Variants in ABAT observed in about 807,000 individuals in gnomAD.
ABAT encodes the protein 4-aminobutyrate aminotransferase.
Under a neutral mutation model 64.6 loss-of-function variants are expected in ABAT, and 45 were observed. The observed-to-expected ratio is 0.70, with a 90% CI of 0.55 to 0.89. ABAT has a LOEUF of 0.89. Among genes scored for constraint, ABAT ranks in the 40% least tolerant of loss-of-function variants. ABAT has a pLI of 0.00. For missense variants in ABAT, 633 were observed against 658.4 expected (o/e 0.96, Z 0.42); for synonymous variants, 297 against 250.5 (o/e 1.19, Z -1.75).
chr16:8,737,754 C>T (rs1287603759), intron 2 of ABAT, among the ~76,000 whole-genome samples: 2 of 132,054 alleles, frequency 1.5e-5, no homozygotes, highest in Admixed American at 8.8e-5. Flanking sequence ...GAAACCTCAT[C>T]TCTACTAAAA....
Position 8,780,630 on chromosome 16 carries a change from C to T in ABAT, c.1382-679C>T, listed in dbSNP as rs181328970. 5.1e-4 allele frequency: 80 copies of T among 158,098 alleles called. 1 individual carries two copies. In the Middle Eastern group the frequency reaches 0.01, roughly 20 times the overall value. 9.8% of individuals were successfully genotyped at this position (158,098 alleles called of 1,614,324 possible). Reference sequence around the variant, plus strand: ...TACAAAAATTAGCTGGCCGTGGTGGCGGCACCTGTGATCCCAGCTACTTGG... The same window carrying T: ...TACAAAAATTAGCTGGCCGTGGTGGTGGCACCTGTGATCCCAGCTACTTGG... On this transcript the variant is annotated intron_variant, in intron 15 of 15. Coordinates refer to ENST00000268251, the MANE Select transcript of ABAT (RefSeq NM_020686.6).
intron 1 of ABAT, among the ~76,000 whole-genome samples, chr16:8,724,096 C>T (rs916797113): frequency 3.3e-5 from 5 of 151,830 alleles, no homozygotes; most frequent in African/African-American, 1.2e-4. Context: ...CCACCTCAGC[C>T]TCCCAAAGTG....
chr16:8,704,003 C>T (rs1168181122), intron 1 of ABAT, among the ~76,000 whole-genome samples: 1 of 152,230 alleles, frequency 6.6e-6, no homozygotes, highest in Non-Finnish European at 1.5e-5. Flanking sequence ...TCAAGAGCAT[C>T]CTCTTTCCTG....
At chr16:8,766,168 C>T in intron 8 of ABAT, 40 bp from the exon 9 acceptor site, 1 of 1,604,212 alleles carries the variant, frequency 6.2e-7, no homozygotes. Context: ...CCGACTACCC[C>T]AGAGCATCTC....
At chr16:8,757,047 G>A in intron 5 of ABAT, 1 of 403,536 alleles carries the variant, frequency 2.5e-6, no homozygotes, top group South Asian at 1.8e-5. Flanking sequence ...GTCGAGATTT[G>A]ACTCAGCCCA....
At chr16:8,676,760 A>T (rs2057212433) in intron 1 of ABAT, among the ~76,000 whole-genome samples, 2 of 152,140 alleles carry the variant, frequency 1.3e-5, no homozygotes, top group Admixed American at 1.3e-4. Flanking sequence ...GGTCCTGAGG[A>T]TGTCATATTC....
chr16:8,735,797 C>T lies in ABAT; in HGVS notation c.58C>T (p.Leu20=), dbSNP rs747283357. 1 of 1,604,472 alleles carries T rather than the reference C, an allele frequency of 6.2e-7. No individual in the cohort carries two copies. The highest frequency in any genetic ancestry group is 8.5e-7 in the Non-Finnish European group (1 of 1,175,702). Residue 20 remains leucine, a synonymous_variant, in exon 2 of 16, where the codon CTG becomes TTG. Transcript: ENST00000268251. ...CTGCAGCTTCCAGCACAGCTACCGC[C>T]TGCTGGTGCCTGGTAAGCCCCGGGG... ...LACSFQHSYR[L]LVPGSRHISQ...
intron 1 of ABAT, among the ~76,000 whole-genome samples, chr16:8,708,995 G>A (rs956789781): frequency 2.6e-5 from 4 of 152,144 alleles, no homozygotes; most frequent in African/African-American, 9.7e-5. Flanking sequence ...CCAAGTGCCC[G>A]AAATGGGGCT....
chr16:8,768,702 C>A, intron 10 of ABAT, 123 bp from the exon 11 acceptor site: 1 of 1,352,760 alleles, frequency 7.4e-7, no homozygotes, highest in Non-Finnish European at 1.0e-6. Context: ...TGGGGTTTCA[C>A]AGGCAACAGG....
At chr16:8,695,390 G>C (rs1202336735) in intron 1 of ABAT, among the ~76,000 whole-genome samples, 5 of 152,228 alleles carry the variant, frequency 3.3e-5, no homozygotes, top group African/African-American at 1.2e-4. Flanking sequence ...TGATTGTAAA[G>C]ATTGTGTTTC....
At chr16:8,750,944 T>C (rs1394734923) in intron 5 of ABAT, among the ~76,000 whole-genome samples, 3 of 43,160 alleles carry the variant, frequency 7.0e-5, no homozygotes, top group African/African-American at 3.0e-4. Context: ...TTTTCCCTGC[T>C]TTTTTTTTTT....
chr16:8,751,809 G>T (rs2059493369), intron 5 of ABAT, among the ~76,000 whole-genome samples: 2 of 152,136 alleles, frequency 1.3e-5, no homozygotes, highest in African/African-American at 2.4e-5. Context: ...TGCCTCCCCA[G>T]CCTCGCCTCC....
At chr16:8,773,554 C>G (rs2060183313) in intron 12 of ABAT, among the ~76,000 whole-genome samples, 1 of 152,216 alleles carries the variant, frequency 6.6e-6, no homozygotes, top group South Asian at 2.1e-4. Flanking sequence ...TTTATCATCT[C>G]TTTGTATTGG....
At chr16:8,731,468 C>A (rs746448189) in intron 1 of ABAT, 1 of 152,162 alleles carries the variant, frequency 6.6e-6, no homozygotes, top group East Asian at 1.9e-4. Context: ...AGAGCTGCAA[C>A]TCTCAGGGAT....
chr16:8,695,654 T>A (rs1322176807), intron 1 of ABAT, among the ~76,000 whole-genome samples: 1 of 152,164 alleles, frequency 6.6e-6, no homozygotes, highest in African/African-American at 2.4e-5. Context: ...TAAAGCCTAA[T>A]CCACCACAGG....
At position 8,746,985 on chromosome 16, in the gene ABAT, G is replaced by T. The variant is rs112324342; in HGVS notation, c.168+887G>T. The stretch of plus-strand genomic sequence containing the variant: ...TGAATCACTGCAGTGATTTGGTTCT[G>T]CTCCATGTGTCTGCCATGCTCCAGA... On this transcript the variant is annotated intron_variant, in intron 3 of 15. Transcript: ENST00000268251. Among the ~76,000 whole-genome samples the T allele has an allele frequency of 3.8e-3, 581 of 152,270 alleles. 6 individuals carry two copies. The highest frequency in any genetic ancestry group is 0.013 in the African/African-American group (545 of 41,560).
intron 1 of ABAT, among the ~76,000 whole-genome samples, chr16:8,683,868 C>CATTT (rs35454761): frequency 0.59 from 88,785 of 151,338 alleles, 26,391 homozygotes; most frequent in East Asian, 0.77. Flanking sequence ...GGCATTCATT[C>CATTT]GTCAATGAGT....
chr16:8,759,821 G>A (rs1014892498), intron 6 of ABAT, among the ~76,000 whole-genome samples: 10 of 152,232 alleles, frequency 6.6e-5, no homozygotes, highest in African/African-American at 2.2e-4. Flanking sequence ...TGGGATTACA[G>A]GCGTGAGCCA....
At chr16:8,696,440 T>C (rs769193050) in intron 1 of ABAT, among the ~76,000 whole-genome samples, 1 of 152,116 alleles carries the variant, frequency 6.6e-6, no homozygotes, top group Non-Finnish European at 1.5e-5. Flanking sequence ...ATGGCCAACA[T>C]GATGAAGCCC....
Sources: allele counts gnomAD v4.1 joint callset (sites outside exome capture counted in the v4.1 genomes callset), GRCh38; gene constraint gnomAD v4.1.1; transcripts MANE v1.5; gene names NCBI Gene and HGNC (gene_info 2026-07-23, HGNC 2026-07-21).